The following GRM3 variants were observed in gnomAD, a reference collection of about 807,000 sequenced individuals.
GRM3 encodes glutamate metabotropic receptor 3, also known as metabotropic glutamate receptor 3.
Under a neutral mutation model 70.5 loss-of-function variants are expected in GRM3, and 26 were observed. The ratio of observed to expected loss-of-function variants is 0.37; its 90% CI spans 0.27 to 0.51. The LOEUF (loss-of-function observed/expected upper bound fraction) is 0.51, where lower values mean the gene tolerates loss of function less well. GRM3 is among the 20% of genes least tolerant of loss of function. The probability of loss-of-function intolerance (pLI) is 0.93; values close to 1 mark genes in which losing one functional copy is unlikely to be tolerated. For missense variants in GRM3, 859 were observed against 1,123.8 expected (o/e 0.76, Z 3.37); for synonymous variants, 443 against 434.9 (o/e 1.02, Z -0.23).
At chr7:86,860,481 ATAAGT>A (rs1168862738) in intron 5 of GRM3, among the ~76,000 whole-genome samples, 2 of 152,220 alleles carry the variant, frequency 1.3e-5, no homozygotes, top group Non-Finnish European at 2.9e-5. Context: ...GCAGAAAAAT[ATAAGT>A]TAGAGTTCCC....
At chr7:86,702,584 A>G (rs879553964) in intron 1 of GRM3, among the ~76,000 whole-genome samples, 3 of 151,996 alleles carry the variant, frequency 2.0e-5, no homozygotes, top group Non-Finnish European at 4.4e-5. Context: ...AGAATCCCTA[A>G]AAGATCCAAT....
rs928765804 is a variant in GRM3 at position 86,644,598 on chromosome 7, G to A, written c.-415G>A. 1 of 422,798 alleles carries A rather than the reference G, an allele frequency of 2.4e-6. No individual in the cohort carries two copies. The highest frequency in any genetic ancestry group is 4.7e-6 in the Non-Finnish European group (1 of 211,132). The allele number at this position is 422,798 out of a possible 1,614,324, so 26.2% of individuals were successfully genotyped here. Reference sequence around the variant, plus strand: ...CCGTTTTCCCACTCCCCACTGACTCGGATGCCTGGATGTTCTGCCACCGGG... The same window carrying A: ...CCGTTTTCCCACTCCCCACTGACTCAGATGCCTGGATGTTCTGCCACCGGG... On this transcript the variant is annotated 5_prime_UTR_variant, in exon 1 of 6. Coordinates refer to ENST00000361669, the MANE Select transcript of GRM3 (RefSeq NM_000840.3).
chr7:86,766,896 C>T (rs1284193056), intron 2 of GRM3, among the ~76,000 whole-genome samples: 1 of 152,092 alleles, frequency 6.6e-6, no homozygotes, highest in Non-Finnish European at 1.5e-5. Context: ...CTTTCTCTAT[C>T]TCACATTTGT....
chr7:86,652,035 G>A (rs1284184140), intron 1 of GRM3, among the ~76,000 whole-genome samples: 1 of 152,102 alleles, frequency 6.6e-6, no homozygotes, highest in Non-Finnish European at 1.5e-5. Context: ...GTAGGGAGTA[G>A]GTAGAATGAA....
At chr7:86,788,489 A>C (rs1797326217) in intron 3 of GRM3, among the ~76,000 whole-genome samples, 2 of 152,250 alleles carry the variant, frequency 1.3e-5, no homozygotes, top group Admixed American at 6.5e-5. Context: ...TCTTATCATT[A>C]GAATGACTAC....
intron 1 of GRM3, among the ~76,000 whole-genome samples, chr7:86,725,647 C>G (rs1795575503): frequency 6.6e-6 from 1 of 152,140 alleles, no homozygotes; most frequent in African/African-American, 2.4e-5. Context: ...ATAAAGTCAG[C>G]CACAGTAGGC....
intron 3 of GRM3, among the ~76,000 whole-genome samples, chr7:86,833,416 A>AT (rs747324503): frequency 8.5e-6 from 1 of 118,196 alleles, no homozygotes; most frequent in African/African-American, 3.4e-5. Flanking sequence ...AATAATAATA[A>AT]AGAAAAAAAA....
At chr7:86,738,829 T>A (rs143379942) in intron 1 of GRM3, among the ~76,000 whole-genome samples, 1 of 152,342 alleles carries the variant, frequency 6.6e-6, no homozygotes, top group East Asian at 1.9e-4. Context: ...AAATATACAT[T>A]GTGAAATGAC....
chr7:86,776,237 T>G (rs1466667521), intron 2 of GRM3, among the ~76,000 whole-genome samples: 1 of 152,186 alleles, frequency 6.6e-6, no homozygotes, highest in Non-Finnish European at 1.5e-5. Flanking sequence ...ATTACTATCC[T>G]TTTCTTTTGA....
chr7:86,699,296 G>C (rs1029802435), intron 1 of GRM3, among the ~76,000 whole-genome samples: 7 of 151,988 alleles, frequency 4.6e-5, no homozygotes, highest in African/African-American at 1.7e-4. Flanking sequence ...CTATTAGCTT[G>C]AAATTTTCTC....
chr7:86,746,341 T>TTATATATATA (rs59930404), intron 1 of GRM3, among the ~76,000 whole-genome samples: 75 of 87,416 alleles, frequency 8.6e-4, no homozygotes, highest in East Asian at 5.8e-3. Context: ...CAGTCATGTA[T>TTATATATATA]TATATATATA....
At chr7:86,744,235 G>A (rs1381752584) in intron 1 of GRM3, among the ~76,000 whole-genome samples, 1 of 152,006 alleles carries the variant, frequency 6.6e-6, no homozygotes, top group East Asian at 1.9e-4. Context: ...GACTATTAGA[G>A]AATGTGGAAG....
chr7:86,654,864 T>C (rs748370166), intron 1 of GRM3, among the ~76,000 whole-genome samples: 10 of 152,276 alleles, frequency 6.6e-5, no homozygotes, highest in Non-Finnish European at 1.2e-4. Context: ...AACAATAATG[T>C]AGAAATTTTT....
intron 4 of GRM3, among the ~76,000 whole-genome samples, chr7:86,844,984 G>A (rs571843153): frequency 6.0e-4 from 91 of 152,180 alleles, no homozygotes; most frequent in Middle Eastern, 3.4e-3. Flanking sequence ...CTGCCTCCTG[G>A]ATTCAAGCGA....
intron 3 of GRM3, among the ~76,000 whole-genome samples, chr7:86,818,887 C>G (rs768969553): frequency 2.0e-5 from 3 of 152,092 alleles, no homozygotes; most frequent in African/African-American, 7.2e-5. Context: ...CCTGGACATG[C>G]AGATGTACGC....
intron 1 of GRM3, among the ~76,000 whole-genome samples, chr7:86,755,210 G>A (rs1026629536): frequency 1.5e-4 from 22 of 151,524 alleles, no homozygotes; most frequent in African/African-American, 5.4e-4. Flanking sequence ...AAAAAAAAAA[G>A]GAAATGGATG....
At chr7:86,661,576 C>A (rs1282756385) in intron 1 of GRM3, among the ~76,000 whole-genome samples, 1 of 151,874 alleles carries the variant, frequency 6.6e-6, no homozygotes, top group Admixed American at 6.6e-5. Flanking sequence ...TCAAGAATCA[C>A]AACTTCAGTG....
Position 86,786,999 on chromosome 7 carries a change from G to T in GRM3, c.1207G>T (p.Ala403Ser), listed in dbSNP as rs1797267683. Residue 403 changes from alanine to serine, a missense_variant, in exon 3 of 6, where the codon GCT becomes TCT. Coordinates refer to ENST00000361669, the MANE Select transcript of GRM3 (RefSeq NM_000840.3). The surrounding 1 kb of genome is among the most constrained non-coding windows in gnomAD (Gnocchi z 6.0). Reference protein sequence around the residue: ...VVNAVYAMAHALHKMQRTLCP... With the variant: ...VVNAVYAMAHSLHKMQRTLCP... ...GAACGCGGTGTATGCCATGGCCCAC[G>T]CTTTGCACAAAATGCAGCGCACCCT... 1 of 1,613,948 alleles carries T rather than the reference G, an allele frequency of 6.2e-7. No homozygotes were observed. Among genetic ancestry groups the T allele is most frequent in the African/African-American group, 1.3e-5 (1 of 74,930 alleles).
chr7:86,764,999 T>C lies in GRM3; in HGVS notation c.-140-7T>C, dbSNP rs1002370286. On this transcript the variant is annotated splice_region_variant and splice_polypyrimidine_tract_variant and intron_variant, in intron 1 of 5. Transcript: ENST00000361669. ...CATTTTTGTTCATATAATTTTTATC[T>C]CTTTAGGAATTTTGTGACAGGCTCT... The C allele has an allele frequency of 2.1e-6, 3 of 1,458,654 alleles. No homozygotes were observed. Among genetic ancestry groups the C allele is most frequent in the Admixed American group, 2.6e-5 (1 of 38,772 alleles). The allele number at this position is 1,458,654 out of a possible 1,614,324, so 90.4% of individuals were successfully genotyped here.
Sources: gnomAD v4.1 joint callset for allele counts (sites outside exome capture counted in the v4.1 genomes callset) on GRCh38, gnomAD v4.1.1 for gene constraint, Gnocchi (gnomAD v3.1) non-coding constraint, MANE v1.5 for transcripts, NCBI Gene and HGNC (gene_info 2026-07-23, HGNC 2026-07-21) for gene names.